The following RIMBP2 variants were observed in gnomAD, a reference collection of about 807,000 sequenced individuals.
RIMBP2 encodes RIMS binding protein 2.
In RIMBP2, 48 loss-of-function variants were observed where a neutral mutation model predicts 118.6. The observed-to-expected ratio is 0.40, with a 90% CI of 0.32 to 0.51. The LOEUF is 0.51. Ranked by LOEUF, RIMBP2 falls within the 20% of genes least tolerant of loss-of-function variation. The pLI is 0.41. For missense variants in RIMBP2, 1,551 were observed against 1,768.3 expected (o/e 0.88, Z 2.20); for synonymous variants, 762 against 742.9 (o/e 1.03, Z -0.42).
intron 12 of RIMBP2, 68 bp from the exon 13 acceptor site, chr12:130,437,359 G>C: frequency 1.5e-6 from 2 of 1,333,712 alleles, no homozygotes; most frequent in Non-Finnish European, 2.1e-6. Context: ...ATGGGGAGCC[G>C]ACCAGTCCTC....
chr12:130,489,648 C>A (rs1410086271), intron 4 of RIMBP2, among the ~76,000 whole-genome samples: 3 of 152,202 alleles, frequency 2.0e-5, no homozygotes, highest in Non-Finnish European at 4.4e-5. Context: ...GTCCCTTCAG[C>A]CTTAGAGGTG....
intron 1 of RIMBP2, among the ~76,000 whole-genome samples, chr12:130,686,199 G>A (rs1385758408): frequency 1.3e-5 from 2 of 152,180 alleles, no homozygotes; most frequent in Non-Finnish European, 1.5e-5. Context: ...TGCCGCCATA[G>A]GGATCAGTTA....
intron 1 of RIMBP2, among the ~76,000 whole-genome samples, chr12:130,702,423 G>A (rs1411596844): frequency 1.3e-5 from 2 of 152,062 alleles, no homozygotes; most frequent in Admixed American, 6.6e-5. Flanking sequence ...GGCTGAAGCA[G>A]AAGAATCACT....
chr12:130,552,729 A>T (rs1300131676), intron 2 of RIMBP2, among the ~76,000 whole-genome samples: 1 of 152,214 alleles, frequency 6.6e-6, no homozygotes, highest in Admixed American at 6.5e-5. Flanking sequence ...GTCTGCATTG[A>T]TCATAGAAAC....
At chr12:130,518,191 C>T (rs1419673089) in intron 2 of RIMBP2, among the ~76,000 whole-genome samples, 1 of 152,112 alleles carries the variant, frequency 6.6e-6, no homozygotes, top group African/African-American at 2.4e-5. Context: ...CCTAAAAAAG[C>T]AACGGAACTT....
intron 3 of RIMBP2, among the ~76,000 whole-genome samples, chr12:130,508,768 C>T (rs181077732): frequency 2.6e-5 from 4 of 152,296 alleles, no homozygotes; most frequent in Admixed American, 2.0e-4. Flanking sequence ...CCATCATCAG[C>T]GCCCAGAGGA....
chr12:130,710,207 C>T lies in RIMBP2; in HGVS notation c.-352+6015G>A, dbSNP rs1949806414. On this transcript the variant is annotated intron_variant, in intron 1 of 22. Transcript: ENST00000690449. The surrounding 1 kb of genome is among the most constrained non-coding windows in gnomAD (Gnocchi z 4.3). ...CTCGCAGATCCATTCCTCCCTCTGCCCTCGGGGCCTGAACCTCTCTCCCAG... is the reference window on the plus strand; with the variant it reads ...CTCGCAGATCCATTCCTCCCTCTGCTCTCGGGGCCTGAACCTCTCTCCCAG... 6.6e-6 allele frequency among the ~76,000 whole-genome samples: 1 copy of T among 152,138 alleles called. No individual in the cohort carries two copies. The highest frequency in any genetic ancestry group is 2.4e-5 in the African/African-American group (1 of 41,438).
Position 130,661,334 on chromosome 12 carries a change from G to A in RIMBP2, c.-351-32878C>T, listed in dbSNP as rs567616851. 6.6e-5 allele frequency among the ~76,000 whole-genome samples: 10 copies of A among 152,308 alleles called. 1 individual carries two copies. Among genetic ancestry groups the A allele is most frequent in the African/African-American group, 2.2e-4 (9 of 41,564 alleles). On this transcript the variant is annotated intron_variant, in intron 1 of 22. Coordinates refer to ENST00000690449, the MANE Select transcript of RIMBP2 (RefSeq NM_001393629.1). ...GTGATTGGCTCAGGGCTAGACAGGT[G>A]AGCTGAGCTGGTAATTAACTAGTAA...
At chr12:130,462,300 CA>C (rs959778878) in intron 6 of RIMBP2, among the ~76,000 whole-genome samples, 2 of 152,296 alleles carry the variant, frequency 1.3e-5, no homozygotes, top group African/African-American at 4.8e-5. Flanking sequence ...CACGCACTTA[CA>C]GACAAGCTGG....
intron 2 of RIMBP2, among the ~76,000 whole-genome samples, chr12:130,618,889 C>T (rs1320676493): frequency 1.3e-5 from 2 of 151,950 alleles, no homozygotes; most frequent in Admixed American, 1.3e-4. Flanking sequence ...AAGAGAGGAC[C>T]GAAGAAGGGA....
chr12:130,696,395 G>C (rs2065579458), intron 1 of RIMBP2, among the ~76,000 whole-genome samples: 1 of 152,178 alleles, frequency 6.6e-6, no homozygotes, highest in South Asian at 2.1e-4. Context: ...CATCCCTCAA[G>C]TTTGATCTAA....
At chr12:130,595,268 C>T (rs1334835407) in intron 2 of RIMBP2, among the ~76,000 whole-genome samples, 1 of 152,160 alleles carries the variant, frequency 6.6e-6, no homozygotes, top group Non-Finnish European at 1.5e-5. Flanking sequence ...ACTATTAAAA[C>T]TTCATCTTGG....
chr12:130,450,117 T>A lies in RIMBP2; in HGVS notation c.581+83A>T. 3 of 896,912 alleles carry A rather than the reference T, an allele frequency of 3.3e-6. No homozygotes were observed. The highest frequency in any genetic ancestry group is 2.8e-5 in the South Asian group (2 of 70,682). The allele number at this position is 896,912 out of a possible 1,614,324, so 55.6% of individuals were successfully genotyped here. A position where few individuals can be genotyped will look rare whatever the true frequency, so the allele number is the denominator to read the frequency against. On this transcript the variant is annotated intron_variant, in intron 9 of 22. Transcript: ENST00000690449. The surrounding 1 kb of genome is among the most constrained non-coding windows in gnomAD (Gnocchi z 4.8). Reference sequence around the variant, plus strand: ...TCGTGCCCTGGGAGAAGGGAACTTCTCAGACCCCAGAGTGTTCCCAGACCC... The same window carrying A: ...TCGTGCCCTGGGAGAAGGGAACTTCACAGACCCCAGAGTGTTCCCAGACCC...
intron 7 of RIMBP2, 98 bp from the exon 8 acceptor site, chr12:130,451,438 G>T: frequency 7.9e-7 from 1 of 1,272,538 alleles, no homozygotes; most frequent in Non-Finnish European, 1.1e-6. Context: ...TCCCCTCTTT[G>T]ACAACAGCCA....
intron 4 of RIMBP2, 58 bp from the exon 5 acceptor site, chr12:130,479,074 T>G: frequency 7.2e-7 from 1 of 1,395,740 alleles, no homozygotes; most frequent in Non-Finnish European, 1.0e-6. Context: ...TGGGCGTGCA[T>G]CCTATACCCT....
At chr12:130,699,435 G>A (rs1477474990) in intron 1 of RIMBP2, among the ~76,000 whole-genome samples, 8 of 152,106 alleles carry the variant, frequency 5.3e-5, no homozygotes, top group Middle Eastern at 6.8e-3. Context: ...GTAGGGACAT[G>A]GATGAAACTG....
At chr12:130,479,153 C>T (rs1010085000) in intron 4 of RIMBP2, 137 bp from the exon 5 acceptor site, 1 of 576,332 alleles carries the variant, frequency 1.7e-6, no homozygotes, top group Non-Finnish European at 2.9e-6. Context: ...AGGGCACCCA[C>T]CTCCGTGCTG....
chr12:130,598,248 A>G lies in RIMBP2; in HGVS notation c.-217+30074T>C, dbSNP rs78673722. On this transcript the variant is annotated intron_variant, in intron 2 of 22. Coordinates refer to ENST00000690449, the MANE Select transcript of RIMBP2 (RefSeq NM_001393629.1). ...AAAATTAAAGACGACCTAAATAAGC[A>G]GAGAGATATCTTGCGTTTGTGGATC... 9.1e-3 allele frequency among the ~76,000 whole-genome samples: 1,386 copies of G among 152,356 alleles called. 24 individuals carry two copies. Among genetic ancestry groups the G allele is most frequent in the African/African-American group, 0.032 (1,340 of 41,584 alleles).
chr12:130,454,202 G>A (rs977523364), intron 7 of RIMBP2, among the ~76,000 whole-genome samples: 10 of 152,232 alleles, frequency 6.6e-5, no homozygotes, highest in Non-Finnish European at 1.0e-4. Context: ...TGGCTGTGGT[G>A]ATTATTTCAC....
Sources: allele counts gnomAD v4.1 joint callset (sites outside exome capture counted in the v4.1 genomes callset), GRCh38; gene constraint gnomAD v4.1.1; non-coding constraint Gnocchi (gnomAD v3.1); transcripts MANE v1.5; gene names NCBI Gene and HGNC (gene_info 2026-07-23, HGNC 2026-07-21).